GBE1: variants seen among roughly 807,000 people sequenced by gnomAD.
GBE1 encodes the protein 1,4-alpha-glucan branching enzyme 1, also known as 1,4-alpha-glucan-branching enzyme.
GBE1 carries 70 observed loss-of-function variants against 88.8 expected under a neutral mutation model. The ratio of observed to expected loss-of-function variants is 0.79; its 90% confidence interval spans 0.65 to 0.96. GBE1 has a LOEUF of 0.96. Among genes scored for constraint, GBE1 ranks in the 40% least tolerant of loss-of-function variants. The pLI is 0.00. For synonymous variants in GBE1, 284 were observed against 300.1 expected (o/e 0.95, Z 0.56); for missense variants, 872 against 871.0 (o/e 1.00, Z -0.01).
At chr3:81,750,577 G>GTATATGTATATGTA in intron 1 of GBE1, among the ~76,000 whole-genome samples, 1 of 35,222 alleles carries the variant, frequency 2.8e-5, no homozygotes, top group African/African-American at 2.0e-4. Context: ...ATATATATAC[G>GTATATGTATATGTA]TATATATATA....
chr3:81,635,574 A>C (rs903360105), intron 7 of GBE1, among the ~76,000 whole-genome samples: 1 of 152,196 alleles, frequency 6.6e-6, no homozygotes, highest in Non-Finnish European at 1.5e-5. Flanking sequence ...CTGCTAGTCT[A>C]TTCTGTAGAA....
intron 9 of GBE1, among the ~76,000 whole-genome samples, chr3:81,586,940 C>T (rs1247061458): frequency 1.3e-5 from 2 of 152,044 alleles, no homozygotes; most frequent in African/African-American, 4.8e-5. Context: ...AGATGTCCAC[C>T]ACCATTCTCA....
intron 3 of GBE1, among the ~76,000 whole-genome samples, chr3:81,669,094 C>T (rs142427722): frequency 1.7e-3 from 252 of 152,238 alleles, no homozygotes; most frequent in Non-Finnish European, 3.0e-3. Context: ...AGGTGATAGA[C>T]TGTAGTGTAA....
intron 14 of GBE1, among the ~76,000 whole-genome samples, chr3:81,529,457 C>T (rs184747253): frequency 6.6e-6 from 1 of 152,152 alleles, no homozygotes; most frequent in African/African-American, 2.4e-5. Context: ...TTCTTTAAAA[C>T]TGAAGTACTC....
At chr3:81,588,351 G>A (rs1703828328) in intron 9 of GBE1, among the ~76,000 whole-genome samples, 1 of 152,060 alleles carries the variant, frequency 6.6e-6, no homozygotes, top group African/African-American at 2.4e-5. Context: ...TTAGGAACTA[G>A]AATTACAGAC....
intron 1 of GBE1, among the ~76,000 whole-genome samples, chr3:81,734,318 C>T (rs1487196580): frequency 1.3e-5 from 2 of 152,080 alleles, no homozygotes; most frequent in Non-Finnish European, 2.9e-5. Flanking sequence ...TTTTAGAGGT[C>T]TGATACTGTG....
intron 10 of GBE1, among the ~76,000 whole-genome samples, chr3:81,584,862 T>C (rs1286407315): frequency 6.6e-6 from 1 of 151,852 alleles, no homozygotes; most frequent in African/African-American, 2.4e-5. Flanking sequence ...CTTAAAACAT[T>C]ATTGAATGTG....
At chr3:81,718,340 A>T (rs560970740) in intron 1 of GBE1, among the ~76,000 whole-genome samples, 115 of 152,190 alleles carry the variant, frequency 7.6e-4, no homozygotes, top group Non-Finnish European at 1.4e-3. Flanking sequence ...TAATTTATAA[A>T]TATTACAAAT....
chr3:81,747,748 C>A (rs1339405999), intron 1 of GBE1, among the ~76,000 whole-genome samples: 2 of 152,184 alleles, frequency 1.3e-5, no homozygotes, highest in Non-Finnish European at 2.9e-5. Flanking sequence ...ATTTCCTTCT[C>A]CTGGCTCAGA....
chr3:81,611,591 G>T (rs908713557), intron 7 of GBE1, among the ~76,000 whole-genome samples: 8 of 152,144 alleles, frequency 5.3e-5, no homozygotes, highest in African/African-American at 1.9e-4. Context: ...AATACGAAAT[G>T]AGCTATCTTA....
At chr3:81,756,702 C>G (rs562661804) in intron 1 of GBE1, among the ~76,000 whole-genome samples, 2 of 152,210 alleles carry the variant, frequency 1.3e-5, no homozygotes, top group Admixed American at 1.3e-4. Context: ...TAATATATCT[C>G]TAAGCTGTGT....
chr3:81,511,881 A>G (rs1434233141), intron 14 of GBE1, among the ~76,000 whole-genome samples: 3 of 150,528 alleles, frequency 2.0e-5, no homozygotes, highest in Non-Finnish European at 4.4e-5. Flanking sequence ...AAAAAAAAAA[A>G]GACATATGCA....
intron 1 of GBE1, among the ~76,000 whole-genome samples, chr3:81,742,812 A>G (rs1706366315): frequency 6.6e-6 from 1 of 152,156 alleles, no homozygotes; most frequent in East Asian, 1.9e-4. Context: ...CAATGCACAA[A>G]TTACAATCTT....
intron 12 of GBE1, among the ~76,000 whole-genome samples, chr3:81,576,429 T>A (rs751659340): frequency 6.6e-6 from 1 of 152,190 alleles, no homozygotes; most frequent in Non-Finnish European, 1.5e-5. Flanking sequence ...CTTTTGTACA[T>A]GAAATAAAGC....
At position 81,649,846 on chromosome 3, in the gene GBE1, C is replaced by G; in HGVS notation, c.505G>C (p.Asp169His). ...TGTATCCAATCATAATTCACATTAT[C>G]ACCTTCACGAACCACATACTTTGCC... ...PWAKYVVREG[D>H]NVNYDWIHWD... Residue 169 changes from aspartate to histidine, a missense_variant, in exon 4 of 16, where the codon GAT becomes CAT. Transcript: ENST00000429644. 1 of 1,611,894 alleles carries G rather than the reference C, an allele frequency of 6.2e-7. No individual in the cohort carries two copies. The highest frequency in any genetic ancestry group is 8.5e-7 in the Non-Finnish European group (1 of 1,178,372).
intron 2 of GBE1, among the ~76,000 whole-genome samples, chr3:81,694,754 T>C (rs1419884444): frequency 2.6e-5 from 4 of 152,192 alleles, no homozygotes; most frequent in South Asian, 2.1e-4. Context: ...CTATGTGACA[T>C]AGCTGAATTT....
At chr3:81,535,954 CA>C (rs1703068247) in intron 13 of GBE1, among the ~76,000 whole-genome samples, 1 of 151,890 alleles carries the variant, frequency 6.6e-6, no homozygotes, top group Non-Finnish European at 1.5e-5. Flanking sequence ...TTGGCTTTTT[CA>C]ACACCACCCT....
intron 14 of GBE1, among the ~76,000 whole-genome samples, chr3:81,524,773 GT>G (rs1451006392): frequency 6.6e-6 from 1 of 151,854 alleles, no homozygotes; most frequent in Non-Finnish European, 1.5e-5. Flanking sequence ...ATTTGTGTCT[GT>G]TTTTATGGCA....
At chr3:81,635,452 A>G (rs908432627) in intron 7 of GBE1, among the ~76,000 whole-genome samples, 19 of 152,192 alleles carry the variant, frequency 1.2e-4, no homozygotes, top group African/African-American at 4.1e-4. Flanking sequence ...AGAAAAACCT[A>G]TATTTTCTGA....
Sources: allele counts gnomAD v4.1 joint callset (sites outside exome capture counted in the v4.1 genomes callset), GRCh38; gene constraint gnomAD v4.1.1; transcripts MANE v1.5; gene names NCBI Gene and HGNC (gene_info 2026-07-23, HGNC 2026-07-21).